UTS2B: variants seen among roughly 807,000 people sequenced by gnomAD.
UTS2B encodes urotensin-2B.
Under a neutral mutation model 19.2 loss-of-function variants are expected in UTS2B, and 21 were observed. The ratio of observed to expected loss-of-function variants is 1.09; its 90% CI spans 0.78 to 1.58. UTS2B has a LOEUF of 1.58. UTS2B is among the 40% of genes most tolerant of loss of function. The pLI, the probability that UTS2B is intolerant of heterozygous loss-of-function variation, is 0.00. For missense variants in UTS2B, 138 were observed against 130.3 expected (o/e 1.06, Z -0.29); for synonymous variants, 57 against 50.2 (o/e 1.14, Z -0.58).
At chr3:191,289,356 T>A (rs901380757) in intron 4 of UTS2B, among the ~76,000 whole-genome samples, 1 of 151,292 alleles carries the variant, frequency 6.6e-6, no homozygotes, top group African/African-American at 2.4e-5. Context: ...TTGCAGTGAG[T>A]GGAGATTGCG....
At chr3:191,306,368 T>A (rs558293600) in intron 3 of UTS2B, among the ~76,000 whole-genome samples, 3 of 152,370 alleles carry the variant, frequency 2.0e-5, no homozygotes, top group East Asian at 3.9e-4. Flanking sequence ...TCATTTATAA[T>A]TAGGTATAAT....
chr3:191,290,358 C>T (rs546329937), intron 4 of UTS2B, among the ~76,000 whole-genome samples: 2 of 152,264 alleles, frequency 1.3e-5, no homozygotes, highest in South Asian at 4.1e-4. Flanking sequence ...ATTATTGTTG[C>T]CATTTATTGA....
At chr3:191,303,931 G>A (rs1217955229) in intron 4 of UTS2B, among the ~76,000 whole-genome samples, 1 of 152,072 alleles carries the variant, frequency 6.6e-6, no homozygotes, top group Non-Finnish European at 1.5e-5. Flanking sequence ...CTCTTCAATG[G>A]GGAAGGATAT....
intron 4 of UTS2B, among the ~76,000 whole-genome samples, chr3:191,283,159 A>G (rs1716435149): frequency 6.6e-6 from 1 of 152,336 alleles, no homozygotes; most frequent in African/African-American, 2.4e-5. Context: ...TTGCTTTAAT[A>G]AAGTTCCTGA....
At chr3:191,301,116 C>A in intron 4 of UTS2B, among the ~76,000 whole-genome samples, 1 of 152,126 alleles carries the variant, frequency 6.6e-6, no homozygotes, top group East Asian at 1.9e-4. Context: ...CTTTCCTTGA[C>A]TAACCCAGCC....
the UTS2B span, among the ~76,000 whole-genome samples, chr3:191,342,670 T>C: frequency 6.6e-6 from 1 of 152,208 alleles, no homozygotes; most frequent in African/African-American, 2.4e-5. Context: ...AACAGAGTAC[T>C]GGCTGCCAAA....
In UTS2B at chr3:191,283,185, C is replaced by T. The variant is rs530072401; in HGVS notation, c.-124-872G>A. 2.0e-5 allele frequency among the ~76,000 whole-genome samples: 3 copies of T among 152,292 alleles called. No homozygotes were observed. In the South Asian group the frequency reaches 6.2e-4, roughly 32 times the overall value. ...AAGTTCCTGAATAAAATCTAAATTACTTAGTTTGATATTTAGGCTTGTTTT... is the reference window on the plus strand; with the variant it reads ...AAGTTCCTGAATAAAATCTAAATTATTTAGTTTGATATTTAGGCTTGTTTT... On this transcript the variant is annotated intron_variant, in intron 4 of 8. Transcript: ENST00000340524.
At chr3:191,289,444 A>G (rs1716651466) in intron 4 of UTS2B, among the ~76,000 whole-genome samples, 1 of 145,680 alleles carries the variant, frequency 6.9e-6, no homozygotes, top group African/African-American at 2.5e-5. Flanking sequence ...ATAAATAAAT[A>G]AATAAAAAAC....
chr3:191,329,501 G>C, intron 1 of UTS2B: 1 of 556,788 alleles, frequency 1.8e-6, no homozygotes, highest in Non-Finnish European at 3.0e-6. Flanking sequence ...ACCGTCTCCC[G>C]CTGCTTTGGT....
the UTS2B span, among the ~76,000 whole-genome samples, chr3:191,343,086 T>C: frequency 6.6e-6 from 1 of 152,180 alleles, no homozygotes; most frequent in Non-Finnish European, 1.5e-5. Flanking sequence ...ATGCAAGGCC[T>C]GTGTATACTG....
chr3:191,319,099 T>C (rs1277665464), intron 2 of UTS2B, among the ~76,000 whole-genome samples: 1 of 152,064 alleles, frequency 6.6e-6, no homozygotes, highest in Non-Finnish European at 1.5e-5. Context: ...CTTTGCTGAA[T>C]TTTCCTCTGT....
chr3:191,283,883 G>A (rs2108577081), intron 4 of UTS2B, among the ~76,000 whole-genome samples: 1 of 152,140 alleles, frequency 6.6e-6, no homozygotes, highest in Non-Finnish European at 1.5e-5. Flanking sequence ...GATGATATCT[G>A]TCCTTATTTA....
At chr3:191,316,877 G>A (rs1326483973) in intron 2 of UTS2B, among the ~76,000 whole-genome samples, 3 of 152,210 alleles carry the variant, frequency 2.0e-5, no homozygotes, top group Non-Finnish European at 2.9e-5. Flanking sequence ...GCTGATTGGC[G>A]CATATACAAT....
At chr3:191,276,877 A>G in intron 6 of UTS2B, 33 bp from the exon 7 acceptor site, 1 of 1,598,932 alleles carries the variant, frequency 6.3e-7, no homozygotes, top group Non-Finnish European at 8.5e-7. Context: ...GAAAAAACGT[A>G]CATTGCAAGT....
chr3:191,303,753 T>C (rs1717062385), intron 4 of UTS2B, among the ~76,000 whole-genome samples: 1 of 152,238 alleles, frequency 6.6e-6, no homozygotes, highest in African/African-American at 2.4e-5. Flanking sequence ...TCTCTCCCAA[T>C]GTTTTTCCTT....
intron 2 of UTS2B, among the ~76,000 whole-genome samples, chr3:191,326,172 TTTTAA>T (rs2108617888): frequency 6.6e-6 from 1 of 152,344 alleles, no homozygotes; most frequent in South Asian, 2.1e-4. Flanking sequence ...TTTAACTTAC[TTTTAA>T]TTTGTGATTC....
At chr3:191,326,425 A>G (rs759821855) in intron 2 of UTS2B, among the ~76,000 whole-genome samples, 2 of 152,080 alleles carry the variant, frequency 1.3e-5, no homozygotes, top group African/African-American at 2.4e-5. Context: ...AAGTCTCCCT[A>G]CTCCAATCCA....
intron 3 of UTS2B, among the ~76,000 whole-genome samples, chr3:191,314,651 C>G (rs1410039596): frequency 6.6e-6 from 1 of 152,058 alleles, no homozygotes; most frequent in African/African-American, 2.4e-5. Flanking sequence ...GGCTGGTAAT[C>G]AGAAAAAAAC....
At chr3:191,312,300 C>T (rs1017832156) in intron 3 of UTS2B, among the ~76,000 whole-genome samples, 4 of 152,188 alleles carry the variant, frequency 2.6e-5, no homozygotes, top group African/African-American at 7.2e-5. Context: ...GCCCTGGAGG[C>T]GATGTGGAAT....
Sources: gnomAD v4.1 joint callset for allele counts (sites outside exome capture counted in the v4.1 genomes callset) on GRCh38, gnomAD v4.1.1 for gene constraint, MANE v1.5 for transcripts, NCBI Gene and HGNC (gene_info 2026-07-23, HGNC 2026-07-21) for gene names.